Variants in CSTPP1 observed in about 807,000 individuals in gnomAD.
The protein encoded by CSTPP1 is centriolar satellite-associated tubulin polyglutamylase complex regulator 1.
chr11:47,140,936 T>C, the CSTPP1 span, among the ~76,000 whole-genome samples: 1 of 151,692 alleles, frequency 6.6e-6, no homozygotes, highest in Non-Finnish European at 1.5e-5. Context: ...CCATCTCTAC[T>C]AAAAATACAA....
the CSTPP1 span, among the ~76,000 whole-genome samples, chr11:47,079,818 G>T: frequency 2.0e-5 from 3 of 152,138 alleles, no homozygotes; most frequent in African/African-American, 7.2e-5. Context: ...ATACGGCCGG[G>T]CGCGGTGGCT....
At chr11:46,955,553 C>T in the CSTPP1 span, among the ~76,000 whole-genome samples, 3 of 151,546 alleles carry the variant, frequency 2.0e-5, no homozygotes, top group Middle Eastern at 6.3e-3. Context: ...TCAGCAGAGA[C>T]GGGGTTTCAC....
chr11:47,117,638 G>A, the CSTPP1 span, among the ~76,000 whole-genome samples: 1 of 152,060 alleles, frequency 6.6e-6, no homozygotes, highest in Non-Finnish European at 1.5e-5. Context: ...GAGTATCTTT[G>A]TGGTGGTGTC....
At chr11:47,138,979 C>CAAAAAAAAAAAAAAAAAA in the CSTPP1 span, among the ~76,000 whole-genome samples, 3 of 40,876 alleles carry the variant, frequency 7.3e-5, 1 homozygote, top group African/African-American at 3.0e-4. Flanking sequence ...GACTCCGTCT[C>CAAAAAAAAAAAAAAAAAA]AAAAAAAAAA....
chr11:47,096,440 G>C, the CSTPP1 span, among the ~76,000 whole-genome samples: 2 of 152,180 alleles, frequency 1.3e-5, no homozygotes, highest in Non-Finnish European at 2.9e-5. Flanking sequence ...TAAGTGAAGA[G>C]ATAATTGATT....
the CSTPP1 span, among the ~76,000 whole-genome samples, chr11:47,074,513 A>C: frequency 6.6e-6 from 1 of 150,646 alleles, no homozygotes; most frequent in African/African-American, 2.5e-5. Context: ...AAAAAAAAAA[A>C]AAAAAAAACA....
the CSTPP1 span, among the ~76,000 whole-genome samples, chr11:47,153,115 C>T: frequency 6.6e-6 from 1 of 152,308 alleles, no homozygotes; most frequent in South Asian, 2.1e-4. Context: ...CTGCTGTCTC[C>T]CTGCTCCCTC....
At chr11:46,997,882 G>T in the CSTPP1 span, among the ~76,000 whole-genome samples, 2 of 152,174 alleles carry the variant, frequency 1.3e-5, no homozygotes, top group African/African-American at 2.4e-5. Flanking sequence ...CGCAAATATT[G>T]CAGAGGAGCA....
At chr11:47,078,424 G>C in the CSTPP1 span, among the ~76,000 whole-genome samples, 2 of 152,172 alleles carry the variant, frequency 1.3e-5, no homozygotes, top group Non-Finnish European at 2.9e-5. Flanking sequence ...AGGAGAAAGC[G>C]GTGTTAGTGA....
chr11:46,942,263 C>T, the CSTPP1 span, among the ~76,000 whole-genome samples: 3 of 152,142 alleles, frequency 2.0e-5, no homozygotes, highest in African/African-American at 4.8e-5. Context: ...CTGTAGGACC[C>T]GCAAAAGGTT....
At chr11:47,117,877 C>CTTTTTTTTTTT in the CSTPP1 span, among the ~76,000 whole-genome samples, 2 of 66,358 alleles carry the variant, frequency 3.0e-5, no homozygotes, top group Non-Finnish European at 5.5e-5. Flanking sequence ...TATTTCTTTT[C>CTTTTTTTTTTT]TTTTTTTTTT....
At chr11:46,989,335 TGTTAAGGCTGGA>T in the CSTPP1 span, among the ~76,000 whole-genome samples, 1 of 152,168 alleles carries the variant, frequency 6.6e-6, no homozygotes, top group Non-Finnish European at 1.5e-5. Context: ...TTTACTCTGT[TGTTAAGGCTGGA>T]GTACAGTGGC....
chr11:47,157,294 A>G, the CSTPP1 span: 2 of 1,461,650 alleles, frequency 1.4e-6, no homozygotes, highest in South Asian at 1.4e-5. Context: ...AGAGCTCCGC[A>G]GGATGTTCTG....
chr11:47,080,037 A>C, the CSTPP1 span, among the ~76,000 whole-genome samples: 1 of 152,326 alleles, frequency 6.6e-6, no homozygotes, highest in Admixed American at 6.5e-5. Flanking sequence ...CAAAGGTTGC[A>C]GTGAGCCAAG....
the CSTPP1 span, among the ~76,000 whole-genome samples, chr11:46,957,954 C>T: frequency 6.6e-6 from 1 of 152,056 alleles, no homozygotes; most frequent in South Asian, 2.1e-4. Context: ...ATACAGCTGA[C>T]CCTTGAACAA....
chr11:47,018,617 C>T, the CSTPP1 span, among the ~76,000 whole-genome samples: 6 of 152,102 alleles, frequency 3.9e-5, no homozygotes, highest in Admixed American at 2.6e-4. Flanking sequence ...AAGAAAATGC[C>T]ACAGTGTTGT....
the CSTPP1 span, among the ~76,000 whole-genome samples, chr11:47,085,189 C>T: frequency 6.6e-6 from 1 of 151,990 alleles, no homozygotes; most frequent in Admixed American, 6.6e-5. Context: ...GGCAACAGAG[C>T]GAGACTCCAT....
At chr11:47,161,653 C>A in the CSTPP1 span, 3 of 1,601,326 alleles carry the variant, frequency 1.9e-6, no homozygotes, top group Admixed American at 3.4e-5. Flanking sequence ...TCCAAAGGGT[C>A]CTGCCCACAG....
At chr11:47,156,963 C>T in the CSTPP1 span, 3 of 1,567,134 alleles carry the variant, frequency 1.9e-6, no homozygotes, top group Non-Finnish European at 1.7e-6. Context: ...AGTGAACAGA[C>T]AAAACATGTC....
Sources: gnomAD v4.1 joint callset for allele counts (sites outside exome capture counted in the v4.1 genomes callset) on GRCh38, gnomAD v4.1.1 for gene constraint, MANE v1.5 for transcripts, NCBI Gene and HGNC (gene_info 2026-07-23, HGNC 2026-07-21) for gene names.